CAMTA1: variants seen among roughly 807,000 people sequenced by gnomAD.
The protein encoded by CAMTA1 is calmodulin binding transcription activator 1.
Under a neutral mutation model 170.9 loss-of-function variants are expected in CAMTA1, and 27 were observed. The observed-to-expected ratio is 0.16, with a 90% CI of 0.12 to 0.22. The LOEUF (loss-of-function observed/expected upper bound fraction) is 0.22, where lower values mean the gene tolerates loss of function less well. Ranked by LOEUF, CAMTA1 falls within the 10% of genes least tolerant of loss-of-function variation. The probability of loss-of-function intolerance (pLI) is 1.00; values close to 1 mark genes in which losing one functional copy is unlikely to be tolerated. For missense variants in CAMTA1, 1,619 were observed against 2,217.2 expected, an observed-to-expected ratio of 0.73 and a Z score of 5.42; for synonymous variants, 833 against 891.5, an observed-to-expected ratio of 0.93 and a Z score of 1.17.
intron 5 of CAMTA1, among the ~76,000 whole-genome samples, chr1:7,276,303 A>ATTTTTTTTTTTTTTT (rs1180773965): frequency 7.0e-4 from 17 of 24,220 alleles, no homozygotes; most frequent in Admixed American, 2.6e-3. Context: ...ATATATATAT[A>ATTTTTTTTTTTTTTT]TTTTTTTTTT....
Position 7,067,074 on chromosome 1 carries a change from C to G in CAMTA1, c.235-24230C>G, listed in dbSNP as rs1709053102. Among the ~76,000 whole-genome samples, 1 of 152,226 alleles carries G rather than the reference C, an allele frequency of 6.6e-6. No homozygotes were observed. The highest frequency in any genetic ancestry group is 2.4e-5 in the African/African-American group (1 of 41,462). Reference sequence around the variant, plus strand: ...AGATGTGGTGAAAGGTAGACACCTTCCCTGTGCTTGGAATGCCCCAGTCCC... The same window carrying G: ...AGATGTGGTGAAAGGTAGACACCTTGCCTGTGCTTGGAATGCCCCAGTCCC... On this transcript the variant is annotated intron_variant, in intron 3 of 22. Transcript: ENST00000303635. This position sits in a 1 kb window ranked among gnomAD's most constrained non-coding sequence, Gnocchi z 4.3.
rs57358691 is a variant in CAMTA1 at position 7,144,236 on chromosome 1, A to AGTGTGT, written c.302+52876_302+52881dup. 0.032 allele frequency among the ~76,000 whole-genome samples: 4,796 copies of AGTGTGT among 150,468 alleles called. 234 individuals are homozygous for AGTGTGT. Among genetic ancestry groups the AGTGTGT allele is most frequent in the African/African-American group, 0.11 (4,515 of 40,960 alleles). ...CTATGTCCTCAGATGGCCTTTTCTA[A>AGTGTGT]GTGTGTGTGTGTGTGTATGTGTGTG... On this transcript the variant is annotated intron_variant, in intron 4 of 22. Coordinates refer to ENST00000303635, the MANE Select transcript of CAMTA1 (RefSeq NM_015215.4). This position sits in a 1 kb window ranked among gnomAD's most constrained non-coding sequence, Gnocchi z 4.0.
intron 5 of CAMTA1, among the ~76,000 whole-genome samples, chr1:7,292,144 T>G (rs1486743713): frequency 6.6e-6 from 1 of 152,134 alleles, no homozygotes; most frequent in Middle Eastern, 3.2e-3. Context: ...TGGCCAGAAA[T>G]GAAATATTTT....
rs539493348 is a variant in CAMTA1 at position 7,071,176 on chromosome 1, G to C, written c.235-20128G>C. Among the ~76,000 whole-genome samples the C allele has an allele frequency of 1.6e-4, 25 of 152,324 alleles. No homozygotes were observed. The South Asian group carries it at 5.2e-3, about 32-fold the overall frequency. ...AAATGCACAGGAGATGGTAAAGGTG[G>C]ATTGGGGAGGATTTGGACGTGTTTC... On this transcript the variant is annotated intron_variant, in intron 3 of 22. Coordinates refer to ENST00000303635, the MANE Select transcript of CAMTA1 (RefSeq NM_015215.4).
chr1:7,672,427 G>A (rs529750876), intron 10 of CAMTA1, among the ~76,000 whole-genome samples: 1 of 151,908 alleles, frequency 6.6e-6, no homozygotes, highest in East Asian at 1.9e-4. Context: ...TCTTTTTGTT[G>A]GTTTTTTTGT....
chr1:6,943,335 G>A (rs949692717), intron 3 of CAMTA1, among the ~76,000 whole-genome samples: 9 of 151,944 alleles, frequency 5.9e-5, no homozygotes, highest in African/African-American at 2.2e-4. Flanking sequence ...CTACCTTGGG[G>A]CTGCTACAGT....
At chr1:6,810,145 C>T (rs916168324) in intron 1 of CAMTA1, among the ~76,000 whole-genome samples, 4 of 152,286 alleles carry the variant, frequency 2.6e-5, no homozygotes, top group South Asian at 2.1e-4. Flanking sequence ...GGCATTTGGG[C>T]AGGGCAGGGC....
At chr1:7,035,319 G>A (rs1416219268) in intron 3 of CAMTA1, among the ~76,000 whole-genome samples, 1 of 152,032 alleles carries the variant, frequency 6.6e-6, no homozygotes, top group African/African-American at 2.4e-5. Flanking sequence ...AGAATCATTT[G>A]AACCTGGAAG....
intron 3 of CAMTA1, among the ~76,000 whole-genome samples, chr1:6,878,640 A>G (rs2149046072): frequency 6.6e-6 from 1 of 152,344 alleles, no homozygotes; most frequent in South Asian, 2.1e-4. Flanking sequence ...GACTTCTCTC[A>G]TATCTTAGCA....
At chr1:7,703,316 G>A (rs894717786) in intron 11 of CAMTA1, among the ~76,000 whole-genome samples, 1 of 152,136 alleles carries the variant, frequency 6.6e-6, no homozygotes, top group Admixed American at 6.5e-5. Flanking sequence ...GGGGGCGGGC[G>A]AGGGGTAGAC....
At chr1:7,321,898 G>A (rs924802775) in intron 5 of CAMTA1, among the ~76,000 whole-genome samples, 1 of 152,088 alleles carries the variant, frequency 6.6e-6, no homozygotes, top group Admixed American at 6.5e-5. Context: ...ACACCACCAC[G>A]TAACCCTAGG....
Position 7,375,823 on chromosome 1 carries a change from G to A in CAMTA1, c.439-92007G>A, listed in dbSNP as rs115246054. On this transcript the variant is annotated intron_variant, in intron 5 of 22. Coordinates refer to ENST00000303635, the MANE Select transcript of CAMTA1 (RefSeq NM_015215.4). ...TCCATTAATTAATGCAAACATTAAA[G>A]CTTTATAGAGCTGGCTTCTTCTAAG... 6.8e-3 allele frequency among the ~76,000 whole-genome samples: 1,033 copies of A among 152,348 alleles called. 11 individuals carry two copies. Among genetic ancestry groups the A allele is most frequent in the African/African-American group, 0.023 (964 of 41,580 alleles).
chr1:7,756,483 C>A (rs4908481), intron 22 of CAMTA1, among the ~76,000 whole-genome samples: 92,137 of 151,932 alleles, frequency 0.61, 28,299 homozygotes, highest in Middle Eastern at 0.74. Flanking sequence ...CAAAAGGCAA[C>A]AGTCTCCCAG....
intron 4 of CAMTA1, among the ~76,000 whole-genome samples, chr1:7,218,796 T>A (rs1660209361): frequency 6.6e-6 from 1 of 152,222 alleles, no homozygotes; most frequent in African/African-American, 2.4e-5. Context: ...GGGTGGGAAC[T>A]CAAGAATTTG....
Position 6,864,335 on chromosome 1 carries a change from C to T in CAMTA1, c.234+39125C>T, listed in dbSNP as rs762910136. 1.4e-4 allele frequency among the ~76,000 whole-genome samples: 22 copies of T among 152,280 alleles called. No individual in the cohort carries two copies. In the South Asian group the frequency reaches 1.7e-3, roughly 11 times the overall value. On this transcript the variant is annotated intron_variant, in intron 3 of 22. Transcript: ENST00000303635. ...TTGCCTGTGCGCAGACGGTATTGAG[C>T]GATCTTCTGACTCATGCCCTGCTTG...
intron 11 of CAMTA1, among the ~76,000 whole-genome samples, chr1:7,684,753 TG>T (rs2096243898): frequency 1.3e-5 from 2 of 152,234 alleles, no homozygotes; most frequent in African/African-American, 4.8e-5. Flanking sequence ...AGTCCCATTC[TG>T]AGGTTCCCTG....
At position 6,793,046 on chromosome 1, in the gene CAMTA1, T is replaced by TTA. The variant is rs368278840; in HGVS notation, c.45+7484_45+7485dup. On this transcript the variant is annotated intron_variant, in intron 1 of 22. Coordinates refer to ENST00000303635, the MANE Select transcript of CAMTA1 (RefSeq NM_015215.4). ...TATCTTATATATATATACCCCACTC[T>TTA]TATATATATATATACCCCACTCTTA... Among the ~76,000 whole-genome samples, 426 of 150,848 alleles carry TTA rather than the reference T, an allele frequency of 2.8e-3. 1 individual carries two copies. The highest frequency in any genetic ancestry group is 3.9e-3 in the Non-Finnish European group (263 of 67,664).
intron 1 of CAMTA1, among the ~76,000 whole-genome samples, chr1:6,787,679 A>T (rs1427198308): frequency 2.0e-5 from 3 of 152,196 alleles, no homozygotes; most frequent in Non-Finnish European, 1.5e-5. Flanking sequence ...GCCAATTCTG[A>T]CTATTCTTTG....
chr1:7,473,474 C>T (rs1345102873), intron 6 of CAMTA1, among the ~76,000 whole-genome samples: 3 of 152,210 alleles, frequency 2.0e-5, no homozygotes. Context: ...GAGTTCCATA[C>T]TCAGGCCCTA....
Sources: gnomAD v4.1 joint callset for allele counts (sites outside exome capture counted in the v4.1 genomes callset) on GRCh38, gnomAD v4.1.1 for gene constraint, Gnocchi (gnomAD v3.1) non-coding constraint, MANE v1.5 for transcripts, NCBI Gene and HGNC (gene_info 2026-07-23, HGNC 2026-07-21) for gene names.